FAM50B: variants seen among roughly 807,000 people sequenced by gnomAD.
FAM50B encodes the protein family with sequence similarity 50 member B.
In FAM50B, 9 loss-of-function variants were observed where a neutral mutation model predicts 25.4. That is an observed-to-expected ratio of 0.35 (90% CI 0.21 to 0.62). FAM50B has a LOEUF of 0.62. FAM50B is among the 20% of genes least tolerant of loss of function. The probability of loss-of-function intolerance (pLI) is 0.73; values close to 1 mark genes in which losing one functional copy is unlikely to be tolerated. For synonymous variants in FAM50B, 212 were observed against 204.3 expected (o/e 1.04, Z -0.32); for missense variants, 372 against 477.9 (o/e 0.78, Z 2.07).
At chr6:3,849,723 A>G in intron 1 of FAM50B, 66 bp from the exon 2 acceptor site, 11 of 1,472,072 alleles carry the variant, frequency 7.5e-6, no homozygotes, top group Non-Finnish European at 9.0e-6. Flanking sequence ...GGAGGCGCAG[A>G]GCTGAGCATT....
chr6:3,844,593 C>T (rs1012919651), upstream of FAM50B, among the ~76,000 whole-genome samples: 1 of 152,032 alleles, frequency 6.6e-6, no homozygotes, highest in Non-Finnish European at 1.5e-5. Flanking sequence ...CGCCTGTAAT[C>T]CCAACTACTC....
Position 3,849,602 on chromosome 6 carries a change from G to A in FAM50B, c.-24+116G>A, listed in dbSNP as rs1017852958. On this transcript the variant is annotated intron_variant, in intron 1 of 1. Coordinates refer to ENST00000648326, the MANE Select transcript of FAM50B (RefSeq NM_012135.3). ...GGCCGTTCGCATTTGCATTTATTGA[G>A]GTCAAATAAAATGCTGGAAATTGGT... is the stretch of plus-strand genomic sequence containing the variant. 4.7e-6 allele frequency: 4 copies of A among 852,840 alleles called. No individual in the cohort carries two copies. In the African/African-American group the frequency reaches 5.1e-5, roughly 11 times the overall value. 52.8% of individuals were successfully genotyped at this position (852,840 alleles called of 1,614,324 possible). A position where few individuals can be genotyped will look rare whatever the true frequency, so the allele number is the denominator to read the frequency against.
At chr6:3,832,322 G>A in the FAM50B span, among the ~76,000 whole-genome samples, 3 of 152,196 alleles carry the variant, frequency 2.0e-5, no homozygotes, top group African/African-American at 7.2e-5. Context: ...GCTTGTGTGT[G>A]TATCACTTCC....
At chr6:3,839,582 G>A in the FAM50B span, among the ~76,000 whole-genome samples, 2 of 152,174 alleles carry the variant, frequency 1.3e-5, no homozygotes, top group Non-Finnish European at 2.9e-5. Context: ...TTGATTTTGT[G>A]TGTGTCAAAA....
chr6:3,836,721 T>C, the FAM50B span, among the ~76,000 whole-genome samples: 2 of 152,206 alleles, frequency 1.3e-5, no homozygotes, highest in African/African-American at 4.8e-5. Flanking sequence ...AGGAAGCATT[T>C]GGGGAAGCCC....
At chr6:3,847,277 C>T (rs1278109169), upstream of FAM50B, among the ~76,000 whole-genome samples, 2 of 152,226 alleles carry the variant, frequency 1.3e-5, no homozygotes, top group Admixed American at 6.5e-5. Context: ...CAATAGAAGG[C>T]TATTTTGTCT....
the FAM50B span, among the ~76,000 whole-genome samples, chr6:3,833,362 C>T: frequency 3.7e-4 from 56 of 152,146 alleles, no homozygotes; most frequent in African/African-American, 1.1e-3. Flanking sequence ...TCAGTATCCT[C>T]GTCTGTAAGA....
chr6:3,832,612 C>T, the FAM50B span, among the ~76,000 whole-genome samples: 1 of 152,204 alleles, frequency 6.6e-6, no homozygotes, highest in East Asian at 1.9e-4. Flanking sequence ...TGTGAAGGAA[C>T]CATCTTCCAC....
the FAM50B span, among the ~76,000 whole-genome samples, chr6:3,833,279 A>G: frequency 2.6e-5 from 4 of 152,222 alleles, no homozygotes; most frequent in Non-Finnish European, 5.9e-5. Context: ...ATTTAGAATC[A>G]TAAGATCTAG....
At chr6:3,837,761 G>A in the FAM50B span, among the ~76,000 whole-genome samples, 1 of 150,358 alleles carries the variant, frequency 6.7e-6, no homozygotes, top group Non-Finnish European at 1.5e-5. Flanking sequence ...GAGAGAGAGG[G>A]GGCCACAAGA....
At chr6:3,845,952 A>G (rs1440168098), upstream of FAM50B, among the ~76,000 whole-genome samples, 2 of 151,898 alleles carry the variant, frequency 1.3e-5, no homozygotes, top group Non-Finnish European at 2.9e-5. Flanking sequence ...CGATCTCTTG[A>G]CCTCGTGATC....
At chr6:3,845,910 A>T (rs912232364), upstream of FAM50B, among the ~76,000 whole-genome samples, 3 of 151,864 alleles carry the variant, frequency 2.0e-5, no homozygotes, top group Non-Finnish European at 4.4e-5. Flanking sequence ...TTTATTAGAG[A>T]CGGGGTTTCA....
At chr6:3,842,516 TG>T in the FAM50B span, among the ~76,000 whole-genome samples, 2 of 152,232 alleles carry the variant, frequency 1.3e-5, no homozygotes, top group Non-Finnish European at 2.9e-5. Context: ...TATGTAGGCA[TG>T]AGCTCCTAGC....
the FAM50B span, among the ~76,000 whole-genome samples, chr6:3,834,538 A>G: frequency 2.1e-3 from 312 of 152,108 alleles, no homozygotes; most frequent in Non-Finnish European, 3.6e-3. Context: ...TGATCATACA[A>G]TTTGAAGAAC....
upstream of FAM50B, among the ~76,000 whole-genome samples, chr6:3,848,724 G>GT (rs1485460851): frequency 6.6e-6 from 1 of 152,208 alleles, no homozygotes; most frequent in African/African-American, 2.4e-5. Context: ...AAACTGGCAT[G>GT]TTAGAGGCTC....
upstream of FAM50B, among the ~76,000 whole-genome samples, chr6:3,845,942 C>T (rs1485492543): frequency 3.3e-5 from 5 of 151,990 alleles, no homozygotes; most frequent in Non-Finnish European, 5.9e-5. Flanking sequence ...AGGATGGTCT[C>T]GATCTCTTGA....
chr6:3,841,011 T>C, the FAM50B span, among the ~76,000 whole-genome samples: 1 of 152,250 alleles, frequency 6.6e-6, no homozygotes, highest in Non-Finnish European at 1.5e-5. Context: ...CAAGAATATA[T>C]ACCACGAAGT....
At chr6:3,838,938 A>G in the FAM50B span, among the ~76,000 whole-genome samples, 2 of 151,956 alleles carry the variant, frequency 1.3e-5, no homozygotes, top group Admixed American at 6.6e-5. Context: ...CAAATGCATT[A>G]TACTGGAGTG....
the FAM50B span, among the ~76,000 whole-genome samples, chr6:3,836,059 A>G: frequency 6.6e-6 from 1 of 151,870 alleles, no homozygotes; most frequent in Non-Finnish European, 1.5e-5. Context: ...TATCAATGTG[A>G]TATTTGTTCG....
Sources: gnomAD v4.1 joint callset for allele counts (sites outside exome capture counted in the v4.1 genomes callset) on GRCh38, gnomAD v4.1.1 for gene constraint, MANE v1.5 for transcripts, NCBI Gene and HGNC (gene_info 2026-07-23, HGNC 2026-07-21) for gene names.